HDAC9: variants seen among roughly 807,000 people sequenced by gnomAD.
HDAC9 encodes the protein MEF-2 interacting transcription repressor (MITR) protein.
A neutral mutation model predicts 139.4 loss-of-function variants in HDAC9; 41 were observed. The observed-to-expected ratio is 0.29, with a 90% CI of 0.23 to 0.38. The LOEUF is 0.38. HDAC9 is among the 10% of genes least tolerant of loss of function. The pLI is 1.00. For missense variants in HDAC9, 1,147 were observed against 1,297.0 expected, an observed-to-expected ratio of 0.88 and a Z score of 1.78; for synonymous variants, 517 against 476.2, an observed-to-expected ratio of 1.09 and a Z score of -1.12.
In HDAC9 at chr7:18,644,791, A is replaced by G. The variant is rs1786841641; in HGVS notation, c.1033A>G (p.Asn345Asp). 3 of 1,610,012 alleles carry G rather than the reference A, an allele frequency of 1.9e-6. No homozygotes were observed. Among genetic ancestry groups the G allele is most frequent in the Admixed American group, 1.7e-5 (1 of 59,448 alleles). Residue 345 changes from asparagine to aspartate, a missense_variant and splice_region_variant, in exon 9 of 26, where the codon AAT becomes GAT. This residue lies in a region of HDAC9 where 264 missense variants were observed against 273.8 expected (regional missense o/e 0.96). Coordinates refer to ENST00000686413, the MANE Select transcript of HDAC9 (RefSeq NM_178425.4). Reference protein sequence around the residue: ...LGLPAVPSQLNASNSLKEKQK... With the variant: ...LGLPAVPSQLDASNSLKEKQK... ...GCTTCCCGCAGTGCCATCCCAGCTC[A>G]ATGTAAGTCATTGCACAGCATCAGC... is the stretch of plus-strand genomic sequence containing the variant.
intron 2 of HDAC9, among the ~76,000 whole-genome samples, chr7:18,265,515 C>A (rs1368468546): frequency 6.6e-6 from 1 of 152,092 alleles, no homozygotes; most frequent in Non-Finnish European, 1.5e-5. Context: ...AGTCTATGCA[C>A]ATTTCTTAAG....
rs538039491 is a variant in HDAC9 at position 18,985,315 on chromosome 7, C to T, written c.3170+9362C>T. ...ATTCCCACCTATGAGTGAGAATATG[C>T]GGTGTTTGGTTTTTTGTTCTTGCGA... is the stretch of plus-strand genomic sequence containing the variant. On this transcript the variant is annotated intron_variant, in intron 25 of 25. Coordinates refer to ENST00000686413, the MANE Select transcript of HDAC9 (RefSeq NM_178425.4). Among the ~76,000 whole-genome samples the T allele has an allele frequency of 1.7e-3, 261 of 151,840 alleles. 3 individuals carry two copies. The East Asian group carries it at 0.043, about 25-fold the overall frequency.
intron 2 of HDAC9, among the ~76,000 whole-genome samples, chr7:18,577,996 C>T (rs764368527): frequency 1.3e-5 from 2 of 152,150 alleles, no homozygotes; most frequent in Non-Finnish European, 2.9e-5. Context: ...CCTCCCCACT[C>T]ACGCCCCCAC....
intron 1 of HDAC9, among the ~76,000 whole-genome samples, chr7:18,095,129 G>A (rs903133386): frequency 1.9e-4 from 29 of 152,040 alleles, no homozygotes; most frequent in African/African-American, 6.8e-4. Flanking sequence ...TTCTGCTGGG[G>A]TTCTGTTGGG....
chr7:18,946,036 C>CAAAATAAAAAAAA (rs1563077235), intron 23 of HDAC9, among the ~76,000 whole-genome samples: 5 of 38,276 alleles, frequency 1.3e-4, no homozygotes, highest in Middle Eastern at 0.025. Flanking sequence ...GACTCCGTCT[C>CAAAATAAAAAAAA]AAAAAAAAAA....
intron 1 of HDAC9, among the ~76,000 whole-genome samples, chr7:18,384,983 C>G (rs1242509920): frequency 6.6e-6 from 1 of 152,136 alleles, no homozygotes; most frequent in African/African-American, 2.4e-5. Context: ...TGAGACCTTT[C>G]TGTTTCTATT....
chr7:18,135,962 C>G (rs1420143434), intron 1 of HDAC9, among the ~76,000 whole-genome samples: 2 of 125,608 alleles, frequency 1.6e-5, no homozygotes, highest in Non-Finnish European at 3.2e-5. Context: ...TCTCCAGCAC[C>G]TGTTGTTTCC....
intron 1 of HDAC9, among the ~76,000 whole-genome samples, chr7:18,155,076 T>C (rs1305361857): frequency 1.4e-5 from 2 of 141,708 alleles, no homozygotes; most frequent in East Asian, 2.0e-4. Flanking sequence ...AAGCTTTTTT[T>C]CTTTCTTTCT....
intron 2 of HDAC9, among the ~76,000 whole-genome samples, chr7:18,507,170 A>ATATTATTATTATTAT (rs59819356): frequency 0.045 from 6,475 of 144,272 alleles, 253 homozygotes; most frequent in African/African-American, 0.098. Flanking sequence ...TATTCATTAC[A>ATATTATTATTATTAT]TATTATTATT....
intron 17 of HDAC9, among the ~76,000 whole-genome samples, chr7:18,816,333 A>G (rs757719320): frequency 2.6e-5 from 4 of 152,206 alleles, no homozygotes; most frequent in Non-Finnish European, 5.9e-5. Context: ...ACGTGGAACT[A>G]TTTTTCATCA....
chr7:18,761,321 A>G (rs981505567), intron 14 of HDAC9, among the ~76,000 whole-genome samples: 4 of 152,306 alleles, frequency 2.6e-5, no homozygotes, highest in Admixed American at 2.6e-4. Context: ...GCTGGAGTGA[A>G]AGTCTCTGCC....
intron 2 of HDAC9, among the ~76,000 whole-genome samples, chr7:18,226,903 C>T (rs1371153931): frequency 6.6e-6 from 1 of 151,984 alleles, no homozygotes; most frequent in Non-Finnish European, 1.5e-5. Context: ...TCAAATAGAG[C>T]GATGACAGAA....
intron 23 of HDAC9, among the ~76,000 whole-genome samples, chr7:18,937,131 C>A (rs969306428): frequency 3.3e-5 from 5 of 150,526 alleles, no homozygotes; most frequent in African/African-American, 4.9e-5. Context: ...CCTCCGCCAC[C>A]CGGGTTGAAG....
At chr7:18,752,302 T>G (rs1044705446) in intron 14 of HDAC9, among the ~76,000 whole-genome samples, 2 of 152,022 alleles carry the variant, frequency 1.3e-5, no homozygotes, top group Non-Finnish European at 2.9e-5. Context: ...AGCCTACTGG[T>G]TAGTGTTTCT....
At chr7:18,584,950 G>A (rs1466713133) in intron 2 of HDAC9, among the ~76,000 whole-genome samples, 7 of 150,130 alleles carry the variant, frequency 4.7e-5, no homozygotes, top group Admixed American at 6.6e-5. Context: ...TTTTGTCCTC[G>A]TTGACTTGAT....
chr7:18,970,475 A>G (rs1784176558), intron 24 of HDAC9, among the ~76,000 whole-genome samples: 1 of 152,188 alleles, frequency 6.6e-6, no homozygotes, highest in Admixed American at 6.5e-5. Flanking sequence ...CAAAACATAT[A>G]ATTTTTATTT....
At chr7:18,544,650 C>A (rs1371629110) in intron 2 of HDAC9, among the ~76,000 whole-genome samples, 1 of 152,132 alleles carries the variant, frequency 6.6e-6, no homozygotes, top group Non-Finnish European at 1.5e-5. Context: ...CTAACAACAA[C>A]AACAAAGATG....
intron 1 of HDAC9, among the ~76,000 whole-genome samples, chr7:18,362,119 G>C (rs1186436798): frequency 6.6e-6 from 1 of 152,184 alleles, no homozygotes; most frequent in Admixed American, 6.5e-5. Context: ...CACTGATTAT[G>C]AATTGTTTCT....
At chr7:18,410,780 CT>C (rs1788470396) in intron 1 of HDAC9, among the ~76,000 whole-genome samples, 1 of 152,128 alleles carries the variant, frequency 6.6e-6, no homozygotes, top group Non-Finnish European at 1.5e-5. Flanking sequence ...GGAATAGAGA[CT>C]TTTATAAAAG....
Sources: allele counts gnomAD v4.1 joint callset (sites outside exome capture counted in the v4.1 genomes callset), GRCh38; gene constraint gnomAD v4.1.1; regional missense constraint gnomAD v4.1.1; transcripts MANE v1.5; gene names NCBI Gene and HGNC (gene_info 2026-07-23, HGNC 2026-07-21).